The following DOCK3 variants were observed in gnomAD, a reference collection of about 807,000 sequenced individuals.
DOCK3 encodes dedicator of cytokinesis protein 3.
In DOCK3, 60 loss-of-function variants were observed where a neutral mutation model predicts 265.6. The ratio of observed to expected loss-of-function variants is 0.23; its 90% CI spans 0.18 to 0.28. The LOEUF (loss-of-function observed/expected upper bound fraction) is 0.28, where lower values mean the gene tolerates loss of function less well. Among genes scored for constraint, DOCK3 ranks in the 10% least tolerant of loss-of-function variants. The probability of loss-of-function intolerance (pLI) is 1.00; values close to 1 mark genes in which losing one functional copy is unlikely to be tolerated. For missense variants in DOCK3, 1,981 were observed against 2,594.3 expected, an observed-to-expected ratio of 0.76 and a Z score of 5.14; for synonymous variants, 881 against 938.0, an observed-to-expected ratio of 0.94 and a Z score of 1.11.
At chr3:51,195,181 C>A (rs1417757984) in intron 12 of DOCK3, among the ~76,000 whole-genome samples, 1 of 151,980 alleles carries the variant, frequency 6.6e-6, no homozygotes, top group Non-Finnish European at 1.5e-5. Flanking sequence ...ATCTATTCAG[C>A]CATTCTGTAT....
At chr3:50,873,421 CCAGA>C (rs1328119528) in intron 3 of DOCK3, among the ~76,000 whole-genome samples, 3 of 152,174 alleles carry the variant, frequency 2.0e-5, no homozygotes, top group African/African-American at 7.2e-5. Context: ...ATCCAAGATG[CCAGA>C]CAAAGTCTTC....
intron 27 of DOCK3, among the ~76,000 whole-genome samples, chr3:51,284,956 C>T (rs878919810): frequency 5.9e-5 from 9 of 152,146 alleles, no homozygotes; most frequent in East Asian, 1.9e-4. Flanking sequence ...CTTAATGCAG[C>T]GACAGTGGGA....
intron 4 of DOCK3, among the ~76,000 whole-genome samples, chr3:50,914,018 G>A (rs1041356585): frequency 1.3e-5 from 2 of 148,554 alleles, no homozygotes; most frequent in South Asian, 4.3e-4. Flanking sequence ...TTGTATTCTG[G>A]CATCTTGCTT....
At chr3:50,857,063 G>T (rs577298357) in intron 3 of DOCK3, among the ~76,000 whole-genome samples, 1 of 152,184 alleles carries the variant, frequency 6.6e-6, no homozygotes, top group African/African-American at 2.4e-5. Flanking sequence ...TGCGCTGCTC[G>T]ATTCAGTTTG....
intron 40 of DOCK3, among the ~76,000 whole-genome samples, chr3:51,351,555 G>A (rs973087518): frequency 6.6e-5 from 10 of 152,132 alleles, no homozygotes; most frequent in African/African-American, 2.4e-4. Context: ...ATATGACAGG[G>A]ACAGCAAGCT....
At chr3:50,719,970 CGTT>C (rs1227812989) in intron 1 of DOCK3, 6 of 404,764 alleles carry the variant, frequency 1.5e-5, no homozygotes, top group African/African-American at 1.0e-4. Flanking sequence ...TGGGTAGTGT[CGTT>C]GTCTACAAAG....
At position 51,349,289 on chromosome 3, in the gene DOCK3, T is replaced by G. The variant is rs574587731; in HGVS notation, c.4002+351T>G. ...TTCATCCAAAATCTTTTTAAGAGCT[T>G]TCCCCACTTTGCTTATGGTCACTTT... is the stretch of plus-strand genomic sequence containing the variant. On this transcript the variant is annotated intron_variant, in intron 39 of 52. Coordinates refer to ENST00000266037, the MANE Select transcript of DOCK3 (RefSeq NM_004947.5). Among the ~76,000 whole-genome samples, 18 of 152,322 alleles carry G rather than the reference T, an allele frequency of 1.2e-4. No individual in the cohort carries two copies. In the South Asian group the frequency reaches 3.7e-3, roughly 32 times the overall value.
At chr3:50,987,801 G>T (rs575064392) in intron 5 of DOCK3, among the ~76,000 whole-genome samples, 1 of 152,302 alleles carries the variant, frequency 6.6e-6, no homozygotes, top group African/African-American at 2.4e-5. Flanking sequence ...GGAAACTCAT[G>T]CTGCTTCCAT....
intron 3 of DOCK3, among the ~76,000 whole-genome samples, chr3:50,867,638 G>C (rs1402560191): frequency 6.6e-6 from 1 of 151,390 alleles, no homozygotes; most frequent in East Asian, 1.9e-4. Context: ...TTATCATGAA[G>C]GGATTTTGAA....
chr3:51,318,619 A>T (rs1026227007), intron 32 of DOCK3, among the ~76,000 whole-genome samples: 2 of 152,026 alleles, frequency 1.3e-5, no homozygotes, highest in Admixed American at 6.6e-5. Context: ...TTTATTGTCA[A>T]GTATGCAGCA....
intron 1 of DOCK3, among the ~76,000 whole-genome samples, chr3:50,740,446 A>G (rs750170844): frequency 2.0e-4 from 30 of 152,132 alleles, no homozygotes; most frequent in African/African-American, 7.2e-4. Context: ...AAACTGCCAA[A>G]CTTTCTTCCA....
At chr3:51,239,416 G>A (rs563214126) in intron 21 of DOCK3, among the ~76,000 whole-genome samples, 5 of 151,928 alleles carry the variant, frequency 3.3e-5, no homozygotes, top group African/African-American at 1.2e-4. Flanking sequence ...CACCATGTTG[G>A]CCAGGCTGGT....
chr3:51,010,039 T>G (rs1379549057), intron 5 of DOCK3, among the ~76,000 whole-genome samples: 1 of 152,220 alleles, frequency 6.6e-6, no homozygotes, highest in Non-Finnish European at 1.5e-5. Context: ...TACTTCCAAC[T>G]CTGTGGTCAA....
chr3:51,260,561 A>G (rs1320981359), intron 23 of DOCK3, among the ~76,000 whole-genome samples: 5 of 152,324 alleles, frequency 3.3e-5, no homozygotes, highest in Admixed American at 3.3e-4. Context: ...GAAGAAGCAC[A>G]AATTTGTTCT....
At position 51,265,053 on chromosome 3, in the gene DOCK3, A is replaced by G. The variant is rs572171969; in HGVS notation, c.2355+4727A>G. Among the ~76,000 whole-genome samples the G allele has an allele frequency of 5.9e-5, 9 of 152,258 alleles. No homozygotes were observed. In the East Asian group the frequency reaches 1.7e-3, roughly 29 times the overall value. On this transcript the variant is annotated intron_variant, in intron 23 of 52. Coordinates refer to ENST00000266037, the MANE Select transcript of DOCK3 (RefSeq NM_004947.5). ...TGATCCCACAGAAATAGAAACTACC[A>G]TCAGAGAATACTATAAACACCTCTG...
chr3:50,828,103 ATT>A (rs2107048704), intron 2 of DOCK3, among the ~76,000 whole-genome samples: 1 of 152,000 alleles, frequency 6.6e-6, no homozygotes, highest in South Asian at 2.1e-4. Flanking sequence ...TAATTTTTGT[ATT>A]TTTAGCAGAG....
intron 5 of DOCK3, among the ~76,000 whole-genome samples, chr3:51,033,462 T>C (rs1050597861): frequency 1.9e-4 from 29 of 152,340 alleles, no homozygotes; most frequent in African/African-American, 6.0e-4. Context: ...GTCTTCAGGA[T>C]CATACTGATA....
intron 6 of DOCK3, among the ~76,000 whole-genome samples, chr3:51,072,294 A>G (rs1560022161): frequency 6.6e-6 from 1 of 152,216 alleles, no homozygotes; most frequent in Non-Finnish European, 1.5e-5. Context: ...TTATAATGCC[A>G]GTCTCCACAC....
chr3:51,286,126 G>C (rs2081390388), intron 27 of DOCK3, among the ~76,000 whole-genome samples: 1 of 152,070 alleles, frequency 6.6e-6, no homozygotes, highest in Non-Finnish European at 1.5e-5. Context: ...AAAGTTTCAG[G>C]ATACAAAAAT....
Sources: allele counts gnomAD v4.1 joint callset (sites outside exome capture counted in the v4.1 genomes callset), GRCh38; gene constraint gnomAD v4.1.1; transcripts MANE v1.5; gene names NCBI Gene and HGNC (gene_info 2026-07-23, HGNC 2026-07-21).